Variants in ARB2A observed in about 807,000 individuals in gnomAD.
The protein encoded by ARB2A is cotranscriptional regulator ARB2A.
chr5:93,621,634 G>T, the ARB2A span, among the ~76,000 whole-genome samples: 2 of 152,222 alleles, frequency 1.3e-5, no homozygotes, highest in Non-Finnish European at 2.9e-5. Context: ...ATCGCACAGC[G>T]CCTGTTTCCT....
the ARB2A span, among the ~76,000 whole-genome samples, chr5:94,013,628 G>A: frequency 2.6e-5 from 4 of 152,244 alleles, no homozygotes; most frequent in Admixed American, 2.0e-4. Context: ...GATGAAGGGA[G>A]CAGATAATTT....
chr5:93,770,503 G>A, the ARB2A span, among the ~76,000 whole-genome samples: 62 of 152,226 alleles, frequency 4.1e-4, 1 homozygote, highest in African/African-American at 1.5e-3. Flanking sequence ...ATTAGGAAAA[G>A]AGGAAGTCAA....
At chr5:93,880,673 TC>T in the ARB2A span, among the ~76,000 whole-genome samples, 1 of 151,736 alleles carries the variant, frequency 6.6e-6, no homozygotes, top group Admixed American at 6.6e-5. Flanking sequence ...GACAAATGTC[TC>T]ATATATATAA....
At chr5:93,707,315 C>A in the ARB2A span, among the ~76,000 whole-genome samples, 1 of 152,094 alleles carries the variant, frequency 6.6e-6, no homozygotes, top group Non-Finnish European at 1.5e-5. Context: ...CTACATAATA[C>A]AATGCAAGAT....
chr5:93,950,155 A>G, the ARB2A span, among the ~76,000 whole-genome samples: 2 of 152,180 alleles, frequency 1.3e-5, no homozygotes, highest in African/African-American at 4.8e-5. Context: ...GCTATTGTGA[A>G]GAGTGCTGCA....
chr5:93,671,464 T>C, the ARB2A span, among the ~76,000 whole-genome samples: 4 of 152,206 alleles, frequency 2.6e-5, no homozygotes, highest in East Asian at 7.7e-4. Context: ...TGTCAAATAA[T>C]AAGAGCTGAG....
chr5:93,666,881 C>A, the ARB2A span, among the ~76,000 whole-genome samples: 1 of 152,196 alleles, frequency 6.6e-6, no homozygotes, highest in Non-Finnish European at 1.5e-5. Context: ...CAACACATAA[C>A]AATAGACCAA....
chr5:93,682,503 G>GTT, the ARB2A span, among the ~76,000 whole-genome samples: 5 of 133,120 alleles, frequency 3.8e-5, no homozygotes, highest in Admixed American at 7.5e-5. Context: ...TAGGCAAAAA[G>GTT]TTTTTTTTTT....
At chr5:93,820,318 T>C in the ARB2A span, among the ~76,000 whole-genome samples, 51 of 152,026 alleles carry the variant, frequency 3.4e-4, no homozygotes, top group Admixed American at 6.6e-4. Flanking sequence ...AATAAAAAAT[T>C]AAAGGTTACT....
chr5:93,909,753 C>T, the ARB2A span, among the ~76,000 whole-genome samples: 1 of 150,730 alleles, frequency 6.6e-6, no homozygotes, highest in Non-Finnish European at 1.5e-5. Context: ...GAAAGCCCCC[C>T]TACTTAAATT....
the ARB2A span, among the ~76,000 whole-genome samples, chr5:93,843,393 A>T: frequency 8.6e-5 from 13 of 151,276 alleles, no homozygotes; most frequent in African/African-American, 3.2e-4. Flanking sequence ...ATACTAGTAC[A>T]TGCATAAAAG....
the ARB2A span, among the ~76,000 whole-genome samples, chr5:93,986,951 C>CA: frequency 6.6e-6 from 1 of 151,926 alleles, no homozygotes; most frequent in Non-Finnish European, 1.5e-5. Flanking sequence ...ACCTTCTCTC[C>CA]ACTATTGTCC....
the ARB2A span, among the ~76,000 whole-genome samples, chr5:93,809,570 TA>T: frequency 6.6e-6 from 1 of 151,930 alleles, no homozygotes. Flanking sequence ...CTCAAAGCTT[TA>T]AAAAAACTTT....
the ARB2A span, among the ~76,000 whole-genome samples, chr5:93,679,354 T>A: frequency 6.6e-6 from 1 of 152,156 alleles, no homozygotes; most frequent in Non-Finnish European, 1.5e-5. Flanking sequence ...CACATAATTT[T>A]AAATCTTCAA....
the ARB2A span, among the ~76,000 whole-genome samples, chr5:93,870,748 T>C: frequency 7.2e-5 from 11 of 152,080 alleles, no homozygotes; most frequent in South Asian, 2.1e-4. Flanking sequence ...GAAGTGGAGG[T>C]TGGAGGGAAG....
At chr5:93,661,253 G>A in the ARB2A span, among the ~76,000 whole-genome samples, 1 of 152,076 alleles carries the variant, frequency 6.6e-6, no homozygotes, top group Non-Finnish European at 1.5e-5. Context: ...CATATACAGC[G>A]GGTAGTCTGG....
chr5:94,006,925 G>A, the ARB2A span, among the ~76,000 whole-genome samples: 66 of 152,230 alleles, frequency 4.3e-4, 1 homozygote, highest in East Asian at 0.011. Context: ...TAAAATCAAA[G>A]ATCTTTTGGT....
chr5:93,843,899 A>G, the ARB2A span, among the ~76,000 whole-genome samples: 1 of 152,122 alleles, frequency 6.6e-6, no homozygotes, highest in Non-Finnish European at 1.5e-5. Context: ...TATCAACAAA[A>G]TAAGTTTTCC....
At chr5:93,632,312 GC>G in the ARB2A span, among the ~76,000 whole-genome samples, 1 of 152,186 alleles carries the variant, frequency 6.6e-6, no homozygotes, top group East Asian at 1.9e-4. Flanking sequence ...GCAACAAGGA[GC>G]CAGGTGAAAG....
Sources: allele counts gnomAD v4.1 joint callset (sites outside exome capture counted in the v4.1 genomes callset), GRCh38; gene constraint gnomAD v4.1.1; transcripts MANE v1.5; gene names NCBI Gene and HGNC (gene_info 2026-07-23, HGNC 2026-07-21).